Variants in INTS8 observed in about 807,000 individuals in gnomAD.
The protein encoded by INTS8 is protein kaonashi-1.
INTS8 carries 47 observed loss-of-function variants against 138.9 expected under a neutral mutation model. That is an observed-to-expected ratio of 0.34 (90% CI 0.27 to 0.43). The LOEUF (loss-of-function observed/expected upper bound fraction) is 0.43, where lower values mean the gene tolerates loss of function less well. Among genes scored for constraint, INTS8 ranks in the 20% least tolerant of loss-of-function variants. INTS8 has a pLI of 1.00. For missense variants in INTS8, 996 were observed against 1,173.0 expected (o/e 0.85, Z 2.20); for synonymous variants, 392 against 400.9 (o/e 0.98, Z 0.27).
At chr8:94,864,197 T>C (rs761766346) in intron 16 of INTS8, among the ~76,000 whole-genome samples, 4 of 152,110 alleles carry the variant, frequency 2.6e-5, no homozygotes, top group Non-Finnish European at 5.9e-5. Context: ...GTTTGAAATT[T>C]TTCATAACAA....
At position 94,862,188 on chromosome 8, in the gene INTS8, C is replaced by T. The variant is rs866681951; in HGVS notation, c.2076+2556C>T. 3.3e-5 allele frequency among the ~76,000 whole-genome samples: 5 copies of T among 152,146 alleles called. No homozygotes were observed. In the East Asian group the frequency reaches 7.8e-4, roughly 24 times the overall value. On this transcript the variant is annotated intron_variant, in intron 16 of 26. Coordinates refer to ENST00000523731, the MANE Select transcript of INTS8 (RefSeq NM_017864.4). ...AACTCCTGACCTCAGGTGATCCCCCCGCCTGGGCCTCCCAAAGTGCTGGGA... is the reference window on the plus strand; with the variant it reads ...AACTCCTGACCTCAGGTGATCCCCCTGCCTGGGCCTCCCAAAGTGCTGGGA...
At chr8:94,851,494 A>G (rs775817816) in intron 12 of INTS8, 59 bp from the exon 13 acceptor site, 4 of 1,204,986 alleles carry the variant, frequency 3.3e-6, no homozygotes, top group Non-Finnish European at 4.6e-6. Flanking sequence ...ATTTTAAGTA[A>G]ATTGTTATTC....
chr8:94,833,958 G>A (rs1814822155), intron 6 of INTS8, among the ~76,000 whole-genome samples: 1 of 151,982 alleles, frequency 6.6e-6, no homozygotes, highest in Non-Finnish European at 1.5e-5. Flanking sequence ...TTTTAGTAGA[G>A]ATGGGGTTTC....
intron 8 of INTS8, 22 bp downstream of exon 8, chr8:94,838,640 C>T: frequency 6.3e-7 from 1 of 1,583,894 alleles, no homozygotes; most frequent in Non-Finnish European, 8.6e-7. Context: ...GAGGGGGATG[C>T]AGTGAAGTTT....
chr8:94,866,245 G>T, intron 18 of INTS8, 54 bp downstream of exon 18: 2 of 921,524 alleles, frequency 2.2e-6, no homozygotes, highest in South Asian at 2.9e-5. Context: ...TGTAGAATAT[G>T]ACTAAAAATT....
At chr8:94,824,766 CAA>C in intron 1 of INTS8, 125 bp from the exon 2 acceptor site, 1 of 334,520 alleles carries the variant, frequency 3.0e-6, no homozygotes, top group South Asian at 2.5e-5. Flanking sequence ...CCTTTTGTGG[CAA>C]AAAAAAAACC....
chr8:94,871,576 ACTT>A (rs1816400445), intron 20 of INTS8, among the ~76,000 whole-genome samples: 2 of 152,104 alleles, frequency 1.3e-5, no homozygotes, highest in Admixed American at 1.3e-4. Context: ...TTATCTCACT[ACTT>A]CTGTATGCTT....
intron 7 of INTS8, among the ~76,000 whole-genome samples, chr8:94,837,165 G>A (rs181873039): frequency 1.3e-5 from 2 of 152,296 alleles, no homozygotes; most frequent in Admixed American, 1.3e-4. Context: ...TTAGCAGTGA[G>A]TGTTTAACAA....
chr8:94,839,736 T>G (rs1815064993), intron 8 of INTS8, among the ~76,000 whole-genome samples: 1 of 152,148 alleles, frequency 6.6e-6, no homozygotes, highest in Admixed American at 6.5e-5. Context: ...AAAATACAGA[T>G]TCTTTAACAA....
chr8:94,881,706 G>A lies in INTS8; in HGVS notation c.*1472G>A. On this transcript the variant is annotated 3_prime_UTR_variant, in exon 27 of 27. Transcript: ENST00000523731. ...CCTCCATTGCACACTGGTGACAACT[G>A]TCCCCCTTTTCTGAAGGTGTTTATG... 6.2e-7 allele frequency: 1 copy of A among 1,613,574 alleles called. No homozygotes were observed. The highest frequency in any genetic ancestry group is 8.5e-7 in the Non-Finnish European group (1 of 1,179,684).
intron 8 of INTS8, among the ~76,000 whole-genome samples, chr8:94,839,714 A>G (rs1815064699): frequency 6.6e-6 from 1 of 152,204 alleles, no homozygotes. Context: ...GAAGGGTGAG[A>G]TCAATTATCA....
In INTS8 at chr8:94,849,942, T is replaced by G; in HGVS notation, c.1358T>G (p.Leu453Arg). The G allele has an allele frequency of 8.7e-6, 14 of 1,612,564 alleles. No individual in the cohort carries two copies. Among genetic ancestry groups the G allele is most frequent in the Non-Finnish European group, 1.2e-5 (14 of 1,179,146 alleles). ...LKNVCLGLED[L>R]QYVFMISSHE... ...AATGTGTGTCTGGGGTTGGAAGATCTGCAGTATGTTTTCATGATTTCTTCA... is the reference window on the plus strand; with the variant it reads ...AATGTGTGTCTGGGGTTGGAAGATCGGCAGTATGTTTTCATGATTTCTTCA... The change falls in exon 12 of 27, where the codon CTG becomes CGG. Residue 453 changes from leucine to arginine, a missense_variant. Transcript: ENST00000523731.
At chr8:94,839,500 C>T (rs895168719) in intron 8 of INTS8, among the ~76,000 whole-genome samples, 1 of 152,070 alleles carries the variant, frequency 6.6e-6, no homozygotes, top group African/African-American at 2.4e-5. Flanking sequence ...AGTTCTCTTA[C>T]CTAGGGGTTT....
In INTS8 at chr8:94,865,608, G is replaced by A. The variant is rs548876480; in HGVS notation, c.2179G>A (p.Val727Met). ...GGAAGTTGTTGTTCAAATCTGTAGT[G>A]TGTCCAGTCAGCACAAACGAGGAAA... is the stretch of plus-strand genomic sequence containing the variant. ...LWEVVVQICSVSSQHKRGNDG... is the reference protein window; with the variant it reads ...LWEVVVQICSMSSQHKRGNDG... Residue 727 changes from valine to methionine, a missense_variant, in exon 17 of 27, where the codon GTG (valine) becomes ATG (methionine). By Grantham distance (21) the Val-to-Met change is conservative (BLOSUM62 1). Coordinates refer to ENST00000523731, the MANE Select transcript of INTS8 (RefSeq NM_017864.4). The A allele has an allele frequency of 2.5e-6, 4 of 1,613,966 alleles. No homozygotes were observed. The African/African-American group carries it at 5.3e-5, about 22-fold the overall frequency.
intron 10 of INTS8, among the ~76,000 whole-genome samples, chr8:94,845,357 A>G (rs1417129961): frequency 2.0e-5 from 3 of 152,056 alleles, no homozygotes. Flanking sequence ...GTGTTTATAC[A>G]TGTATGGGCC....
chr8:94,859,394 G>A, intron 15 of INTS8, 117 bp from the exon 16 acceptor site: 1 of 986,404 alleles, frequency 1.0e-6, no homozygotes, highest in Non-Finnish European at 1.5e-6. Context: ...GATTACAGGT[G>A]TGAGCCACCA....
chr8:94,867,371 G>T, intron 20 of INTS8, 34 bp downstream of exon 20: 2 of 1,522,796 alleles, frequency 1.3e-6, no homozygotes, highest in South Asian at 2.3e-5. Context: ...TTTATTAATT[G>T]AGTTATGTAT....
At chr8:94,867,521 CTTTT>C (rs35100522) in intron 20 of INTS8, 184 bp downstream of exon 20, 5,552 of 236,254 alleles carry the variant, frequency 0.024, no homozygotes, top group Middle Eastern at 0.035. Context: ...AGGCATAACC[CTTTT>C]TTTTTTTTTT....
At chr8:94,862,853 CCACACACA>C (rs894960879) in intron 16 of INTS8, among the ~76,000 whole-genome samples, 4 of 151,402 alleles carry the variant, frequency 2.6e-5, no homozygotes, top group African/African-American at 9.7e-5. Flanking sequence ...GTGGAATGCA[CCACACACA>C]CACACGCACA....
Sources: allele counts gnomAD v4.1 joint callset (sites outside exome capture counted in the v4.1 genomes callset), GRCh38; gene constraint gnomAD v4.1.1; transcripts MANE v1.5; gene names NCBI Gene and HGNC (gene_info 2026-07-23, HGNC 2026-07-21).